The following DIAPH3 variants were observed in gnomAD, a reference collection of about 807,000 sequenced individuals.
DIAPH3 encodes diaphanous related formin 3.
Under a neutral mutation model 144.3 loss-of-function variants are expected in DIAPH3, and 117 were observed. That is an observed-to-expected ratio of 0.81 (90% confidence interval 0.70 to 0.95). The LOEUF (loss-of-function observed/expected upper bound fraction) is 0.95, where lower values mean the gene tolerates loss of function less well. Ranked by LOEUF, DIAPH3 falls within the 40% of genes least tolerant of loss-of-function variation. The probability of loss-of-function intolerance (pLI) is 0.00; values close to 1 mark genes in which losing one functional copy is unlikely to be tolerated. For synonymous variants in DIAPH3, 519 were observed against 488.9 expected, an observed-to-expected ratio of 1.06 and a Z score of -0.81; for missense variants, 1,421 against 1,412.7, an observed-to-expected ratio of 1.01 and a Z score of -0.09.
chr13:60,145,326 T>C (rs1951452701), intron 1 of DIAPH3, among the ~76,000 whole-genome samples: 1 of 152,184 alleles, frequency 6.6e-6, no homozygotes, highest in Non-Finnish European at 1.5e-5. Flanking sequence ...ATTGGATGAT[T>C]ACTAAATGAT....
intron 27 of DIAPH3, among the ~76,000 whole-genome samples, chr13:59,767,592 T>C (rs1049977570): frequency 6.6e-6 from 1 of 152,048 alleles, no homozygotes; most frequent in Non-Finnish European, 1.5e-5. Context: ...CTCTGAACTT[T>C]TGCCATAAGA....
intron 3 of DIAPH3, among the ~76,000 whole-genome samples, chr13:60,108,732 G>A (rs75304898): frequency 0.046 from 7,074 of 152,216 alleles, 239 homozygotes; most frequent in Admixed American, 0.093. Flanking sequence ...CTAAAGCAGG[G>A]GGGAAATAAA....
intron 2 of DIAPH3, among the ~76,000 whole-genome samples, chr13:60,129,301 T>C (rs931331832): frequency 6.6e-6 from 1 of 152,212 alleles, no homozygotes; most frequent in African/African-American, 2.4e-5. Context: ...ATGGAAGTTA[T>C]AAGCTAAACA....
intron 27 of DIAPH3, among the ~76,000 whole-genome samples, chr13:59,733,086 CA>C (rs1331674057): frequency 6.6e-6 from 1 of 152,044 alleles, no homozygotes; most frequent in African/African-American, 2.4e-5. Flanking sequence ...CTAGGATAGA[CA>C]ATCTTTAGGT....
intron 27 of DIAPH3, among the ~76,000 whole-genome samples, chr13:59,744,013 C>T (rs1293849674): frequency 6.6e-6 from 1 of 152,068 alleles, no homozygotes; most frequent in Non-Finnish European, 1.5e-5. Context: ...TTGTTAGGAT[C>T]GACTTTTTAT....
At chr13:59,812,822 A>G (rs1719568338) in intron 24 of DIAPH3, among the ~76,000 whole-genome samples, 1 of 152,150 alleles carries the variant, frequency 6.6e-6, no homozygotes, top group Admixed American at 6.5e-5. Context: ...GTTCTGGAAA[A>G]TGACTAGAGA....
At chr13:59,710,037 T>C (rs980997194) in intron 27 of DIAPH3, among the ~76,000 whole-genome samples, 6 of 151,828 alleles carry the variant, frequency 4.0e-5, no homozygotes, top group African/African-American at 4.8e-5. Flanking sequence ...TAGGTGGGAA[T>C]TGAACAATGA....
chr13:59,853,391 G>A (rs978723124), intron 22 of DIAPH3, among the ~76,000 whole-genome samples: 1 of 152,088 alleles, frequency 6.6e-6, no homozygotes, highest in Admixed American at 6.6e-5. Context: ...GTTAAAGAAG[G>A]GCACTGATAG....
rs2044142996 is a variant in DIAPH3 at position 59,869,752 on chromosome 13, C to T, written c.2608-8216G>A. ...ATACCAGAATAGCATATTTTAATCC[C>T]TTCAATATCTTTTCATACATTTACC... On this transcript the variant is annotated intron_variant, in intron 21 of 27. Transcript: ENST00000400324. 2.0e-5 allele frequency among the ~76,000 whole-genome samples: 3 copies of T among 152,100 alleles called. No individual in the cohort carries two copies. In the South Asian group the frequency reaches 6.2e-4, roughly 32 times the overall value.
At chr13:60,050,954 A>G (rs537355538) in intron 4 of DIAPH3, among the ~76,000 whole-genome samples, 1 of 152,336 alleles carries the variant, frequency 6.6e-6, no homozygotes, top group African/African-American at 2.4e-5. Context: ...TACAGCAGAC[A>G]GGAGGCTGGT....
At chr13:59,913,818 A>G (rs2047102813) in intron 19 of DIAPH3, among the ~76,000 whole-genome samples, 1 of 151,806 alleles carries the variant, frequency 6.6e-6, no homozygotes, top group Non-Finnish European at 1.5e-5. Flanking sequence ...ATTAGCTGGG[A>G]GTGGTGGCGG....
At chr13:59,970,333 T>C (rs1042535059) in intron 16 of DIAPH3, among the ~76,000 whole-genome samples, 2 of 152,172 alleles carry the variant, frequency 1.3e-5, no homozygotes, top group Non-Finnish European at 2.9e-5. Flanking sequence ...TCTCTAATAA[T>C]CTTCACCTGC....
At chr13:59,670,016 T>C (rs2032269811) in intron 27 of DIAPH3, among the ~76,000 whole-genome samples, 1 of 152,202 alleles carries the variant, frequency 6.6e-6, no homozygotes, top group South Asian at 2.1e-4. Flanking sequence ...ATGCCTAGCA[T>C]TTCCTGGGTT....
chr13:60,097,113 T>C (rs903195781), intron 3 of DIAPH3, among the ~76,000 whole-genome samples: 2 of 152,180 alleles, frequency 1.3e-5, no homozygotes, highest in Non-Finnish European at 2.9e-5. Flanking sequence ...ATCCCACCTC[T>C]TTTGCCTAAA....
chr13:59,865,175 G>A (rs1322279177), intron 21 of DIAPH3, among the ~76,000 whole-genome samples: 2 of 151,812 alleles, frequency 1.3e-5, no homozygotes, highest in Non-Finnish European at 2.9e-5. Context: ...CTTTTAAAAA[G>A]TCTTCCAAAA....
chr13:60,067,738 CTCT>C (rs1435572339), intron 4 of DIAPH3, among the ~76,000 whole-genome samples: 3 of 152,058 alleles, frequency 2.0e-5, no homozygotes, highest in Non-Finnish European at 4.4e-5. Context: ...AATTTTTTAA[CTCT>C]TCTTTAATTT....
At chr13:60,109,179 G>A (rs1009833334) in intron 3 of DIAPH3, among the ~76,000 whole-genome samples, 2 of 152,076 alleles carry the variant, frequency 1.3e-5, no homozygotes, top group Non-Finnish European at 1.5e-5. Flanking sequence ...TGGCCAGAGA[G>A]AAGGAAAATT....
rs56267083 is a variant in DIAPH3 at position 60,125,394 on chromosome 13, A to ATTTTTT, written c.213+7557_213+7562dup. Among the ~76,000 whole-genome samples, 17 of 97,830 alleles carry ATTTTTT rather than the reference A, an allele frequency of 1.7e-4. 1 individual carries two copies. The highest frequency in any genetic ancestry group is 2.4e-4 in the Non-Finnish European group (12 of 51,036). The allele number at this position is 97,830 out of a possible 152,430, so 64.2% of individuals were successfully genotyped here. ...ATCTGCATACCATCACACCCAGCTA[A>ATTTTTT]TTTTTTTTTTTTTTTTTTTTTTTTT... On this transcript the variant is annotated intron_variant, in intron 2 of 27. Coordinates refer to ENST00000400324, the MANE Select transcript of DIAPH3 (RefSeq NM_001042517.2).
intron 27 of DIAPH3, among the ~76,000 whole-genome samples, chr13:59,723,816 T>C (rs541316724): frequency 7.3e-4 from 111 of 151,624 alleles, no homozygotes; most frequent in Middle Eastern, 6.8e-3. Flanking sequence ...GGTTTCACTA[T>C]GTTGGCCAGG....
Sources: allele counts gnomAD v4.1 joint callset (sites outside exome capture counted in the v4.1 genomes callset), GRCh38; gene constraint gnomAD v4.1.1; transcripts MANE v1.5; gene names NCBI Gene and HGNC (gene_info 2026-07-23, HGNC 2026-07-21).